The following ADGRL2 variants were observed in gnomAD, a reference collection of about 807,000 sequenced individuals.
ADGRL2 encodes calcium-independent alpha-latrotoxin receptor 2.
Under a neutral mutation model 157.4 loss-of-function variants are expected in ADGRL2, and 44 were observed. That is an observed-to-expected ratio of 0.28 (90% CI 0.22 to 0.36). The LOEUF is 0.36. Ranked by LOEUF, ADGRL2 falls within the 10% of genes least tolerant of loss-of-function variation. The pLI is 1.00. For missense variants in ADGRL2, 1,510 were observed against 1,768.9 expected (o/e 0.85, Z 2.63); for synonymous variants, 585 against 624.7 (o/e 0.94, Z 0.95).
intron 2 of ADGRL2, among the ~76,000 whole-genome samples, chr1:81,563,079 C>T (rs561859715): frequency 6.6e-6 from 1 of 152,238 alleles, no homozygotes; most frequent in South Asian, 2.1e-4. Flanking sequence ...TATCTATAAA[C>T]ATTTCTCAAT....
chr1:81,376,492 G>A (rs1448243357), intron 1 of ADGRL2, among the ~76,000 whole-genome samples: 1 of 151,962 alleles, frequency 6.6e-6, no homozygotes, highest in Non-Finnish European at 1.5e-5. Context: ...AATGAGTCTC[G>A]CCATGTCCTT....
At chr1:81,885,558 C>T (rs1480614201) in intron 2 of ADGRL2, among the ~76,000 whole-genome samples, 3 of 152,124 alleles carry the variant, frequency 2.0e-5, no homozygotes, top group Non-Finnish European at 2.9e-5. Context: ...GCATTTGTAT[C>T]GTCGCATGGC....
At chr1:81,797,274 A>C (rs1463844033), upstream of ADGRL2, among the ~76,000 whole-genome samples, 1 of 152,190 alleles carries the variant, frequency 6.6e-6, no homozygotes, top group Non-Finnish European at 1.5e-5. Context: ...TTCTTTTGAA[A>C]CAATTTTGAA....
chr1:81,843,925 A>C (rs1170227546), intron 2 of ADGRL2, among the ~76,000 whole-genome samples: 2 of 151,920 alleles, frequency 1.3e-5, no homozygotes, highest in African/African-American at 2.4e-5. Flanking sequence ...TCATTTGTGG[A>C]AAAACTTTGT....
intron 2 of ADGRL2, chr1:81,503,439 C>T (rs553544656): frequency 4.3e-5 from 70 of 1,613,102 alleles, no homozygotes; most frequent in Admixed American, 5.0e-5. Flanking sequence ...GCACCCCCAG[C>T]GCAGAGCCCT....
At chr1:81,965,993 G>T in intron 11 of ADGRL2, 65 bp from the exon 12 acceptor site, 2 of 1,503,202 alleles carry the variant, frequency 1.3e-6, no homozygotes, top group Non-Finnish European at 1.8e-6. Flanking sequence ...GTTATCATTT[G>T]CCTCCTTAGT....
intron 2 of ADGRL2, among the ~76,000 whole-genome samples, chr1:81,536,291 T>C (rs951176598): frequency 7.3e-5 from 11 of 150,810 alleles, no homozygotes; most frequent in African/African-American, 2.7e-4. Flanking sequence ...TTTAATAAAA[T>C]ATTTTACTGG....
At chr1:81,713,497 G>T (rs1488330520) in intron 1 of ADGRL2, among the ~76,000 whole-genome samples, 2 of 152,220 alleles carry the variant, frequency 1.3e-5, no homozygotes, top group African/African-American at 4.8e-5. Flanking sequence ...TGATAGTGAT[G>T]ATGATGAGAA....
At chr1:81,642,321 G>GA in intron 3 of ADGRL2, among the ~76,000 whole-genome samples, 1 of 149,484 alleles carries the variant, frequency 6.7e-6, no homozygotes, top group South Asian at 2.1e-4. Context: ...TTGGGAGAAT[G>GA]AGGCAGGAAA....
chr1:81,369,744 A>G (rs1271654964), intron 1 of ADGRL2, among the ~76,000 whole-genome samples: 2 of 152,240 alleles, frequency 1.3e-5, no homozygotes, highest in Non-Finnish European at 2.9e-5. Flanking sequence ...CCACGGCAGA[A>G]AAACATGTTA....
intron 3 of ADGRL2, among the ~76,000 whole-genome samples, chr1:81,913,081 AG>A (rs1557899015): frequency 6.6e-6 from 1 of 152,196 alleles, no homozygotes; most frequent in Non-Finnish European, 1.5e-5. Context: ...GTTTTCTGAA[AG>A]GTTGGGATAA....
chr1:81,345,553 C>G (rs1662420210), intron 1 of ADGRL2, among the ~76,000 whole-genome samples: 1 of 152,026 alleles, frequency 6.6e-6, no homozygotes, highest in Non-Finnish European at 1.5e-5. Context: ...GATAAATTAT[C>G]CATTAATATT....
chr1:81,400,010 C>G (rs2076723913), intron 1 of ADGRL2, among the ~76,000 whole-genome samples: 1 of 151,506 alleles, frequency 6.6e-6, no homozygotes, highest in East Asian at 2.0e-4. Context: ...GACTGTTTTT[C>G]CAGGTAGACA....
chr1:81,761,820 G>A (rs1340898110), exon 2 of ADGRL2: 1 of 151,920 alleles, frequency 6.6e-6, no homozygotes, highest in Non-Finnish European at 1.5e-5. Context: ...GGGTATTTAT[G>A]GCACAATGAA....
intron 1 of ADGRL2, among the ~76,000 whole-genome samples, chr1:81,360,016 A>G (rs1185662081): frequency 6.6e-6 from 1 of 151,994 alleles, no homozygotes; most frequent in Non-Finnish European, 1.5e-5. Flanking sequence ...TTTTAAAACA[A>G]TCGAATTGTG....
intron 1 of ADGRL2, chr1:81,722,238 A>G: frequency 2.5e-6 from 1 of 395,670 alleles, no homozygotes; most frequent in Non-Finnish European, 4.8e-6. Context: ...GCTTGCAGTG[A>G]GCGGAGATCG....
chr1:81,685,592 T>G (rs1283146044), intron 3 of ADGRL2, among the ~76,000 whole-genome samples: 2 of 152,224 alleles, frequency 1.3e-5, no homozygotes, highest in Non-Finnish European at 2.9e-5. Flanking sequence ...AATGACAGTC[T>G]GACTTCCTCT....
chr1:81,912,496 C>T (rs1392906531), intron 3 of ADGRL2, among the ~76,000 whole-genome samples: 3 of 152,082 alleles, frequency 2.0e-5, no homozygotes, highest in Non-Finnish European at 4.4e-5. Context: ...ATTGTTTATA[C>T]AGGTTTGGCA....
chr1:81,466,428 A>C (rs2078054555), intron 2 of ADGRL2, among the ~76,000 whole-genome samples: 1 of 152,158 alleles, frequency 6.6e-6, no homozygotes, highest in Non-Finnish European at 1.5e-5. Context: ...AGGTCTCATA[A>C]TGCCCAGCTT....
Sources: gnomAD v4.1 joint callset for allele counts (sites outside exome capture counted in the v4.1 genomes callset) on GRCh38, gnomAD v4.1.1 for gene constraint, MANE v1.5 for transcripts, NCBI Gene and HGNC (gene_info 2026-07-23, HGNC 2026-07-21) for gene names.